DRC10: variants seen among roughly 807,000 people sequenced by gnomAD.
DRC10 encodes the protein dynein regulatory complex subunit 10, also known as IQ domain-containing protein D.
At chr12:113,218,457 T>C in the DRC10 span, among the ~76,000 whole-genome samples, 1 of 150,312 alleles carries the variant, frequency 6.7e-6, no homozygotes. Flanking sequence ...CTTTTTTTTT[T>C]AATAGACAGG....
chr12:113,205,611 C>T, the DRC10 span, among the ~76,000 whole-genome samples: 4 of 152,094 alleles, frequency 2.6e-5, no homozygotes, highest in African/African-American at 9.7e-5. Context: ...GAAATCAGGC[C>T]GGGCGCGGTG....
chr12:113,195,766 A>G, the DRC10 span: 104 of 1,613,444 alleles, frequency 6.4e-5, no homozygotes, highest in Non-Finnish European at 8.4e-5. Context: ...CTTTTCTTGG[A>G]GTTGATCTCC....
At chr12:113,211,490 A>T in the DRC10 span, among the ~76,000 whole-genome samples, 1 of 152,136 alleles carries the variant, frequency 6.6e-6, no homozygotes, top group Non-Finnish European at 1.5e-5. Flanking sequence ...CAGGCCAGGT[A>T]TCATGGTTCA....
the DRC10 span, among the ~76,000 whole-genome samples, chr12:113,215,973 C>T: frequency 6.6e-6 from 1 of 152,170 alleles, no homozygotes; most frequent in African/African-American, 2.4e-5. Flanking sequence ...AAATTTAAAC[C>T]TGCTCTTACT....
chr12:113,199,554 G>C, the DRC10 span, among the ~76,000 whole-genome samples: 2 of 152,164 alleles, frequency 1.3e-5, no homozygotes, highest in African/African-American at 4.8e-5. Flanking sequence ...TTCTTTCTGG[G>C]GGAGAGGCCC....
the DRC10 span, among the ~76,000 whole-genome samples, chr12:113,205,325 G>T: frequency 1.3e-5 from 2 of 151,712 alleles, no homozygotes; most frequent in Non-Finnish European, 2.9e-5. Flanking sequence ...TTAGGGTCAG[G>T]AGTTCAAGAC....
the DRC10 span, among the ~76,000 whole-genome samples, chr12:113,209,164 T>C: frequency 3.9e-5 from 6 of 152,204 alleles, no homozygotes; most frequent in African/African-American, 1.4e-4. Context: ...TCCACCTGCC[T>C]TTGCCTCCCA....
chr12:113,196,183 CT>C, the DRC10 span, among the ~76,000 whole-genome samples: 7 of 152,164 alleles, frequency 4.6e-5, no homozygotes, highest in Non-Finnish European at 8.8e-5. Context: ...CTGACTTCAC[CT>C]TTCGGGCCTT....
the DRC10 span, among the ~76,000 whole-genome samples, chr12:113,198,198 C>T: frequency 6.6e-6 from 1 of 151,900 alleles, no homozygotes; most frequent in African/African-American, 2.4e-5. Context: ...GCCTGGGTGA[C>T]AGAGCAAGAC....
the DRC10 span, among the ~76,000 whole-genome samples, chr12:113,197,250 C>T: frequency 0.057 from 8,431 of 148,498 alleles, 272 homozygotes; most frequent in Middle Eastern, 0.072. Context: ...TTGCCCAGGC[C>T]GGTCTTGAAT....
the DRC10 span, among the ~76,000 whole-genome samples, chr12:113,198,622 G>GAT: frequency 1.7e-4 from 26 of 152,166 alleles, no homozygotes; most frequent in Non-Finnish European, 3.1e-4. Flanking sequence ...CAGGGACAGG[G>GAT]GGAATAAGGG....
chr12:113,206,890 T>C, the DRC10 span, among the ~76,000 whole-genome samples: 1 of 152,022 alleles, frequency 6.6e-6, no homozygotes, highest in Non-Finnish European at 1.5e-5. Flanking sequence ...CAAGAGCCCA[T>C]CTTTACAAAC....
the DRC10 span, chr12:113,220,906 C>T: frequency 3.7e-6 from 1 of 270,038 alleles, no homozygotes; most frequent in Non-Finnish European, 7.8e-6. Flanking sequence ...GCAGCGGGGG[C>T]TTCTAATTCC....
the DRC10 span, chr12:113,208,429 C>A: frequency 1.7e-6 from 2 of 1,164,500 alleles, no homozygotes; most frequent in Non-Finnish European, 2.2e-6. Context: ...GTGTTAGGGC[C>A]ACAAGGGCAG....
the DRC10 span, chr12:113,195,598 C>CCTTGGCTTTCTG: frequency 6.2e-7 from 1 of 1,604,082 alleles, no homozygotes; most frequent in Non-Finnish European, 8.5e-7. Flanking sequence ...TTGCCCTTCT[C>CCTTGGCTTTCTG]CTTGCCTTTC....
the DRC10 span, among the ~76,000 whole-genome samples, chr12:113,209,182 G>A: frequency 6.7e-6 from 1 of 150,130 alleles, no homozygotes; most frequent in Admixed American, 6.6e-5. Context: ...CCAAAGTGCT[G>A]GGATTACAGG....
the DRC10 span, chr12:113,197,470 T>G: frequency 1.1e-5 from 12 of 1,089,548 alleles, no homozygotes; most frequent in Non-Finnish European, 1.5e-5. Flanking sequence ...CAAGGCTACT[T>G]TTCCCATTCA....
chr12:113,202,918 A>C, the DRC10 span: 1 of 378,716 alleles, frequency 2.6e-6, no homozygotes, highest in Non-Finnish European at 5.5e-6. Context: ...GTACTCATAC[A>C]CCATCTCACA....
At chr12:113,200,838 C>T in the DRC10 span, 1,422 of 1,487,092 alleles carry the variant, frequency 9.6e-4, 2 homozygotes, top group Non-Finnish European at 1.2e-3. Context: ...GAAAGGGCTC[C>T]GTTAATACCT....
Sources: allele counts gnomAD v4.1 joint callset (sites outside exome capture counted in the v4.1 genomes callset), GRCh38; gene constraint gnomAD v4.1.1; transcripts MANE v1.5; gene names NCBI Gene and HGNC (gene_info 2026-07-23, HGNC 2026-07-21).